Variants in WIZ observed in about 807,000 individuals in gnomAD.
The protein encoded by WIZ is WIZ zinc finger, also known as protein Wiz.
A neutral mutation model predicts 140.2 loss-of-function variants in WIZ; 25 were observed. The observed-to-expected ratio is 0.18, with a 90% CI of 0.13 to 0.25. WIZ has a LOEUF of 0.25. WIZ is among the 10% of genes least tolerant of loss of function. WIZ has a pLI of 1.00. For missense variants in WIZ, 2,231 were observed against 2,632.6 expected, an observed-to-expected ratio of 0.85 and a Z score of 3.34; for synonymous variants, 1,125 against 1,154.3, an observed-to-expected ratio of 0.97 and a Z score of 0.51.
In WIZ at chr19:15,425,133, A is replaced by T. The variant is rs908375280; in HGVS notation, c.4895-101T>A. The stretch of plus-strand genomic sequence containing the variant: ...GGTGCCAATCCCGCCTCCCACACAG[A>T]CCCAGCCATGGGGGCCCCACTTGGG... On this transcript the variant is annotated intron_variant, in intron 10 of 12. Coordinates refer to ENST00000673675, the MANE Select transcript of WIZ (RefSeq NM_001371589.1). 11 of 1,520,264 alleles carry T rather than the reference A, an allele frequency of 7.2e-6. No individual in the cohort carries two copies. In the Admixed American group the frequency reaches 1.8e-4, roughly 25 times the overall value. The allele number at this position is 1,520,264 out of a possible 1,614,324, so 94.2% of individuals were successfully genotyped here. A position where few individuals can be genotyped will look rare whatever the true frequency, so the allele number is the denominator to read the frequency against.
At chr19:15,437,617 T>A (rs1418713453) in intron 4 of WIZ, among the ~76,000 whole-genome samples, 4 of 152,148 alleles carry the variant, frequency 2.6e-5, no homozygotes, top group Non-Finnish European at 4.4e-5. Flanking sequence ...AATTGCCCCA[T>A]GGCACTCCAG....
rs974588640 is a variant in WIZ, at chr19:15,433,274, A to T, written c.2741-2092T>A. On this transcript the variant is annotated intron_variant, in intron 5 of 12. Coordinates refer to ENST00000673675, the MANE Select transcript of WIZ (RefSeq NM_001371589.1). ...CCCCACAAGGCCGGCAACACATTTC[A>T]ATCACCGCCTGCTTCTCTCTCCGAT... is the stretch of plus-strand genomic sequence containing the variant. 6 of 982,688 alleles carry T rather than the reference A, an allele frequency of 6.1e-6. No homozygotes were observed. In the East Asian group the frequency reaches 6.9e-4, roughly 112 times the overall value. 60.9% of individuals were successfully genotyped at this position (982,688 alleles called of 1,614,324 possible). A position where few individuals can be genotyped will look rare whatever the true frequency, so the allele number is the denominator to read the frequency against.
In WIZ at chr19:15,439,211, C is replaced by T. The variant is rs757114963; in HGVS notation, c.1783G>A (p.Gly595Arg). 3.3e-5 allele frequency: 51 copies of T among 1,535,612 alleles called. No homozygotes were observed. The East Asian group carries it at 4.6e-4, about 14-fold the overall frequency. ...LASTPYSLQL[G>R]RNKSTVHPQG... The stretch of plus-strand genomic sequence containing the variant: ...GGGTGGACGGTGCTTTTGTTTCTCC[C>T]GAGCTGTAAGGAGTAGGGGGTGGAT... Residue 595 changes from glycine to arginine, a missense_variant, in exon 4 of 13, where the codon GGG (glycine) becomes AGG (arginine). By Grantham distance (125) the Gly-to-Arg change is moderately radical. Around this residue, in one of 15 missense-constraint regions of WIZ, gnomAD observed 475 missense variants for 520.2 expected, o/e 0.91. Coordinates refer to ENST00000673675, the MANE Select transcript of WIZ (RefSeq NM_001371589.1). The surrounding 1 kb of genome is among the most constrained non-coding windows in gnomAD (Gnocchi z 7.0).
At position 15,429,914 on chromosome 19, in the gene WIZ, G is replaced by A. The variant is rs1475899247; in HGVS notation, c.3087C>T (p.His1029=). 1 of 1,536,012 alleles carries A rather than the reference G, an allele frequency of 6.5e-7. No homozygotes were observed. Among genetic ancestry groups the A allele is most frequent in the Non-Finnish European group, 8.7e-7 (1 of 1,146,804 alleles). ...TAGCCAGGCCTGGGGGCAGCCCAAG[G>A]TGGGCGTCAGGCAGACCCTTCTGCT... The part of the protein sequence containing the change: ...LVKQKGLPDA[H]LGLPPGLAKK... Residue 1029 remains histidine, a synonymous_variant, in exon 7 of 13, where the codon CAC becomes CAT. Transcript: ENST00000673675.
Position 15,427,603 on chromosome 19 carries a change from T to C in WIZ, c.3815-70A>G, listed in dbSNP as rs572100657. 6.4e-5 allele frequency: 96 copies of C among 1,509,528 alleles called. No individual in the cohort carries two copies. The African/African-American group carries it at 1.3e-3, about 20-fold the overall frequency. 93.5% of individuals were successfully genotyped at this position (1,509,528 alleles called of 1,614,324 possible). A position where few individuals can be genotyped will look rare whatever the true frequency, so the allele number is the denominator to read the frequency against. ...AGCATGGTCACCTGCAGGAGTGTCC[T>C]GGTCGGCTGGGCGTGGGCGGCAGCA... On this transcript the variant is annotated intron_variant, in intron 8 of 12. Transcript: ENST00000673675. This position sits in a 1 kb window ranked among gnomAD's most constrained non-coding sequence, Gnocchi z 6.4.
chr19:15,449,298 G>A (rs1449372409), intron 1 of WIZ, among the ~76,000 whole-genome samples: 2 of 151,972 alleles, frequency 1.3e-5, no homozygotes, highest in Non-Finnish European at 2.9e-5. Context: ...GCCCTCGGGG[G>A]CCTGGGGATT....
chr19:15,424,059 C>G lies in WIZ; in HGVS notation c.5510+124G>C. On this transcript the variant is annotated intron_variant, in intron 12 of 12. Transcript: ENST00000673675. The surrounding 1 kb of genome is among the most constrained non-coding windows in gnomAD (Gnocchi z 9.7). ...TGTCAGCCTTTAGCCTGAGCCCCAC[C>G]ACACCCAAGGGCAGCCACTGAGGCG... The G allele has an allele frequency of 2.2e-6, 2 of 916,358 alleles. No homozygotes were observed. Among genetic ancestry groups the G allele is most frequent in the African/African-American group, 3.5e-5 (2 of 56,962 alleles). 56.8% of individuals were successfully genotyped at this position (916,358 alleles called of 1,614,324 possible).
At position 15,420,340 on chromosome 19, in the gene WIZ, C is replaced by T. The variant is rs1350424532; in HGVS notation, c.*2736G>A. ...CTGCAGAACTTGCTGCCATACGGAA[C>T]AAAGCCACTTCTGATGTGTTAAGTG... On this transcript the variant is annotated 3_prime_UTR_variant, in exon 13 of 13. Coordinates refer to ENST00000673675, the MANE Select transcript of WIZ (RefSeq NM_001371589.1). The T allele has an allele frequency of 6.6e-6, 1 of 152,244 alleles. No homozygotes were observed. The highest frequency in any genetic ancestry group is 1.5e-5 in the Non-Finnish European group (1 of 68,038). The allele number at this position is 152,244 out of a possible 1,614,324, so 9.4% of individuals were successfully genotyped here. A position where few individuals can be genotyped will look rare whatever the true frequency, so the allele number is the denominator to read the frequency against.
Position 15,440,649 on chromosome 19 carries a change from G to A in WIZ, c.345C>T (p.Phe115=), listed in dbSNP as rs1243561916. 3.9e-6 allele frequency: 6 copies of A among 1,529,496 alleles called. No homozygotes were observed. The African/African-American group carries it at 8.2e-5, about 21-fold the overall frequency. 94.7% of individuals were successfully genotyped at this position (1,529,496 alleles called of 1,614,324 possible). A position where few individuals can be genotyped will look rare whatever the true frequency, so the allele number is the denominator to read the frequency against. The change falls in exon 4 of 13, where the codon TTC becomes TTT. Residue 115 remains phenylalanine (F), a synonymous_variant. Transcript: ENST00000673675. The surrounding 1 kb of genome is among the most constrained non-coding windows in gnomAD (Gnocchi z 6.2). ...GSPPPHLLGH[F]PGTPDGRGPW... Reference sequence around the variant, plus strand: ...GCCCCCGGCCATCAGGGGTACCTGGGAAATGGCCCAGGAGATGGGGTGGTG... The same window carrying A: ...GCCCCCGGCCATCAGGGGTACCTGGAAAATGGCCCAGGAGATGGGGTGGTG...
intron 2 of WIZ, among the ~76,000 whole-genome samples, chr19:15,443,481 T>A (rs1196534108): frequency 2.6e-5 from 4 of 152,212 alleles, no homozygotes; most frequent in Non-Finnish European, 5.9e-5. Context: ...CCATTCTGAC[T>A]GTATGGGCCT....
At position 15,439,641 on chromosome 19, in the gene WIZ, G is replaced by T. The variant is rs1355507148; in HGVS notation, c.1353C>A (p.Ala451=). 1 of 1,492,814 alleles carries T rather than the reference G, an allele frequency of 6.7e-7. No individual in the cohort carries two copies. Among genetic ancestry groups the T allele is most frequent in the Admixed American group, 2.3e-5 (1 of 42,558 alleles). The allele number at this position is 1,492,814 out of a possible 1,614,324, so 92.5% of individuals were successfully genotyped here. The change falls in exon 4 of 13, where the codon GCC becomes GCA. Residue 451 remains alanine (A), a synonymous_variant. Transcript: ENST00000673675. The surrounding 1 kb of genome is among the most constrained non-coding windows in gnomAD (Gnocchi z 7.0). ...GAGSPSPEAS[A]LLYQPYGAAV... ...CAGCTCCGTAGGGCTGATAGAGGAG[G>T]GCGCTGGCCTCAGGGCTGGGGCTGC...
At chr19:15,435,302 C>T (rs563387105) in intron 5 of WIZ, among the ~76,000 whole-genome samples, 2 of 151,948 alleles carry the variant, frequency 1.3e-5, no homozygotes, top group African/African-American at 2.4e-5. Flanking sequence ...AGATTTAACA[C>T]GTTAAAATCT....
rs1234828332 is a variant in WIZ, at chr19:15,439,329, C to G, written c.1665G>C (p.Gln555His). The change falls in exon 4 of 13, where the codon CAG (glutamine) becomes CAC (histidine). Residue 555 changes from glutamine (Q) to histidine (H), a missense_variant. Coordinates refer to ENST00000673675, the MANE Select transcript of WIZ (RefSeq NM_001371589.1). The surrounding 1 kb of genome is among the most constrained non-coding windows in gnomAD (Gnocchi z 7.0). ...ACAGCGGGAAATCTCTGATGCTCAG[C>G]TGCTGGCATCCTGGGCCAAAGGCCA... ...PSLAFGPGCQ[Q>H]LSIRDFPLSK... 3 of 1,535,544 alleles carry G rather than the reference C, an allele frequency of 2.0e-6. No individual in the cohort carries two copies.
Position 15,429,917 on chromosome 19 carries a change from G to A in WIZ, c.3084C>T (p.Ala1028=). 6.5e-7 allele frequency: 1 copy of A among 1,536,014 alleles called. No individual in the cohort carries two copies. The highest frequency in any genetic ancestry group is 8.7e-7 in the Non-Finnish European group (1 of 1,146,806). ...ELVKQKGLPD[A]HLGLPPGLAK... is the part of the protein sequence containing the mutation. ...CCAGGCCTGGGGGCAGCCCAAGGTG[G>A]GCGTCAGGCAGACCCTTCTGCTTCA... Residue 1028 remains alanine (A), a synonymous_variant, in exon 7 of 13, where the codon GCC becomes GCT. Transcript: ENST00000673675.
chr19:15,431,834 C>A (rs1969259510), intron 5 of WIZ, among the ~76,000 whole-genome samples: 1 of 152,230 alleles, frequency 6.6e-6, no homozygotes, highest in Non-Finnish European at 1.5e-5. Context: ...ATCAGGCCCG[C>A]AGCATCCCTG....
rs370491861 is a variant in WIZ, at chr19:15,423,880, G to C, written c.5510+303C>G. On this transcript the variant is annotated intron_variant, in intron 12 of 12. Coordinates refer to ENST00000673675, the MANE Select transcript of WIZ (RefSeq NM_001371589.1). ...TAAATATTAAATTCACTTACTCCTC[G>C]TAACAAATCTGTAAGGTAGGTTTGT... Among the ~76,000 whole-genome samples, 32 of 152,196 alleles carry C rather than the reference G, an allele frequency of 2.1e-4. No homozygotes were observed. The East Asian group carries it at 2.9e-3, about 14-fold the overall frequency.
At chr19:15,446,225 G>A (rs1272106605) in intron 2 of WIZ, among the ~76,000 whole-genome samples, 6 of 152,154 alleles carry the variant, frequency 3.9e-5, no homozygotes, top group African/African-American at 7.2e-5. Flanking sequence ...CAGTGGGAGT[G>A]AGGATGCACC....
rs753178049 is a variant in WIZ, at chr19:15,427,281, C to A, written c.4067G>T (p.Gly1356Val). Residue 1356 changes from glycine (G) to valine (V), a missense_variant, in exon 9 of 13, where the codon GGT (glycine) becomes GTT (valine). Physicochemically the swap from Gly to Val is moderately radical, Grantham distance 109 (BLOSUM62 -3). Around this residue, in one of 15 missense-constraint regions of WIZ, gnomAD observed 393 missense variants for 451.7 expected, o/e 0.87. Transcript: ENST00000673675. The surrounding 1 kb of genome is among the most constrained non-coding windows in gnomAD (Gnocchi z 6.4). The part of the protein sequence containing the change: ...KALAKMMGGA[G>V]PGSSLEARSP... ...GCGGGCTTCCAGTGAGCTGCCAGGACCTGCGCCGCCCATCATCTTGGCCAG... is the reference window on the plus strand; with the variant it reads ...GCGGGCTTCCAGTGAGCTGCCAGGAACTGCGCCGCCCATCATCTTGGCCAG... 1.9e-6 allele frequency: 3 copies of A among 1,613,668 alleles called. No individual in the cohort carries two copies. Among genetic ancestry groups the A allele is most frequent in the Non-Finnish European group, 2.5e-6 (3 of 1,179,942 alleles).
At position 15,427,849 on chromosome 19, in the gene WIZ, CAG is replaced by C. The variant is rs1968948380; in HGVS notation, c.3814+259_3814+260del. 6.6e-6 allele frequency among the ~76,000 whole-genome samples: 1 copy of C among 152,166 alleles called. No homozygotes were observed. Among genetic ancestry groups the C allele is most frequent in the Non-Finnish European group, 1.5e-5 (1 of 68,022 alleles). ...GCCTAGGTGCTATGTGCCATCCAGA[CAG>C]GGGCAGATGTGGGTGCTCTGCACAC... On this transcript the variant is annotated intron_variant, in intron 8 of 12. Coordinates refer to ENST00000673675, the MANE Select transcript of WIZ (RefSeq NM_001371589.1). The surrounding 1 kb of genome is among the most constrained non-coding windows in gnomAD (Gnocchi z 6.4).
Sources: gnomAD v4.1 joint callset for allele counts (sites outside exome capture counted in the v4.1 genomes callset) on GRCh38, gnomAD v4.1.1 for gene constraint, gnomAD v4.1.1 regional missense constraint, Gnocchi (gnomAD v3.1) non-coding constraint, MANE v1.5 for transcripts, NCBI Gene and HGNC (gene_info 2026-07-23, HGNC 2026-07-21) for gene names.